PCDH15: variants seen among roughly 807,000 people sequenced by gnomAD.
The protein encoded by PCDH15 is protocadherin-15.
In PCDH15, 129 loss-of-function variants were observed where a neutral mutation model predicts 178.5. The ratio of observed to expected loss-of-function variants is 0.72; its 90% CI spans 0.63 to 0.84. The LOEUF (loss-of-function observed/expected upper bound fraction) is 0.84. Among genes scored for constraint, PCDH15 ranks in the 40% least tolerant of loss-of-function variants. PCDH15 has a pLI of 0.00. For missense variants in PCDH15, 2,230 were observed against 2,099.9 expected (o/e 1.06, Z -1.21); for synonymous variants, 800 against 732.0 (o/e 1.09, Z -1.50).
At chr10:55,457,980 T>A (rs936942241) in intron 2 of PCDH15, among the ~76,000 whole-genome samples, 9 of 152,062 alleles carry the variant, frequency 5.9e-5, no homozygotes, top group Non-Finnish European at 1.3e-4. Context: ...TTTCTAGTGA[T>A]CTAATCCTGA....
intron 2 of PCDH15, among the ~76,000 whole-genome samples, chr10:55,127,579 T>C (rs1837933919): frequency 6.6e-6 from 1 of 152,128 alleles, no homozygotes; most frequent in Admixed American, 6.5e-5. Context: ...AAGACTATTC[T>C]TTCTCATTTC....
chr10:54,712,789 A>G (rs1297464939), intron 1 of PCDH15, among the ~76,000 whole-genome samples: 2 of 152,040 alleles, frequency 1.3e-5, no homozygotes, highest in African/African-American at 4.8e-5. Context: ...GAAACACTAG[A>G]AAGAATTAAT....
At chr10:53,840,858 G>A (rs1045398036) in intron 28 of PCDH15, among the ~76,000 whole-genome samples, 1 of 152,172 alleles carries the variant, frequency 6.6e-6, no homozygotes, top group African/African-American at 2.4e-5. Flanking sequence ...GACTTCACAT[G>A]GTTGGTGTCA....
intron 2 of PCDH15, among the ~76,000 whole-genome samples, chr10:55,336,572 C>A (rs553074468): frequency 6.6e-6 from 1 of 152,136 alleles, no homozygotes; most frequent in African/African-American, 2.4e-5. Context: ...ACCTTTATTC[C>A]AGAGGGTCTG....
intron 4 of PCDH15, among the ~76,000 whole-genome samples, chr10:54,377,987 T>C (rs536940000): frequency 4.7e-4 from 71 of 152,138 alleles, no homozygotes; most frequent in African/African-American, 7.7e-4. Flanking sequence ...GGTGTGATCA[T>C]AGTTCACTGC....
intron 2 of PCDH15, among the ~76,000 whole-genome samples, chr10:55,543,772 G>C (rs1345561762): frequency 6.6e-6 from 1 of 151,358 alleles, no homozygotes. Context: ...TTTAAAAAGG[G>C]AATTATTAAT....
chr10:54,454,225 T>A (rs2076668840), intron 3 of PCDH15, among the ~76,000 whole-genome samples: 1 of 149,438 alleles, frequency 6.7e-6, no homozygotes, highest in African/African-American at 2.4e-5. Flanking sequence ...CTATAGGCTC[T>A]CAATAAGGCA....
chr10:53,821,908 T>C, intron 32 of PCDH15: 1 of 1,613,760 alleles, frequency 6.2e-7, no homozygotes, highest in Non-Finnish European at 8.5e-7. Flanking sequence ...CCCTCGACAA[T>C]ATTGTTCAAA....
intron 5 of PCDH15, among the ~76,000 whole-genome samples, chr10:54,356,848 G>T (rs1049835294): frequency 2.0e-5 from 3 of 152,004 alleles, no homozygotes; most frequent in Non-Finnish European, 2.9e-5. Context: ...ATGCAAGGCT[G>T]GTTCAATATA....
intron 2 of PCDH15, among the ~76,000 whole-genome samples, chr10:55,608,689 G>A (rs1034977923): frequency 1.3e-5 from 2 of 151,906 alleles, no homozygotes; most frequent in Non-Finnish European, 2.9e-5. Context: ...GGAAATGGGA[G>A]ATCAGTCTCA....
chr10:54,963,197 T>C (rs183453049), intron 2 of PCDH15, among the ~76,000 whole-genome samples: 254 of 152,324 alleles, frequency 1.7e-3, no homozygotes, highest in Middle Eastern at 3.4e-3. Flanking sequence ...AACTAGTATT[T>C]CTCATCCTTT....
chr10:55,420,820 A>C (rs1838602824), intron 2 of PCDH15, among the ~76,000 whole-genome samples: 1 of 151,778 alleles, frequency 6.6e-6, no homozygotes, highest in Admixed American at 6.6e-5. Context: ...ACTATATGTC[A>C]AGCATGGGGC....
At chr10:54,182,647 T>C (rs1257320498) in intron 13 of PCDH15, among the ~76,000 whole-genome samples, 1 of 152,122 alleles carries the variant, frequency 6.6e-6, no homozygotes, top group Non-Finnish European at 1.5e-5. Flanking sequence ...CCATTTACTA[T>C]CTAACTTAAA....
At chr10:53,941,191 A>G (rs777398509) in intron 23 of PCDH15, among the ~76,000 whole-genome samples, 4 of 152,110 alleles carry the variant, frequency 2.6e-5, no homozygotes, top group Non-Finnish European at 5.9e-5. Flanking sequence ...AAAGTCCATC[A>G]TTTACATGAG....
chr10:55,558,440 G>C (rs1842131823), intron 2 of PCDH15, among the ~76,000 whole-genome samples: 1 of 152,074 alleles, frequency 6.6e-6, no homozygotes, highest in African/African-American at 2.4e-5. Context: ...GAGTGCTTGA[G>C]CTGCTGAACA....
At chr10:54,455,200 C>T (rs987026389) in intron 3 of PCDH15, among the ~76,000 whole-genome samples, 5 of 152,010 alleles carry the variant, frequency 3.3e-5, no homozygotes, top group African/African-American at 7.2e-5. Context: ...TACCAAGTCT[C>T]GGGTATTTCT....
At chr10:54,478,627 T>C (rs894111316) in intron 3 of PCDH15, among the ~76,000 whole-genome samples, 3 of 152,080 alleles carry the variant, frequency 2.0e-5, no homozygotes, top group Non-Finnish European at 4.4e-5. Context: ...AAGTCATTAG[T>C]ATAAGTGGTG....
rs1391438836 is a variant in PCDH15 at position 54,001,850 on chromosome 10, A to G, written c.2752-6085T>C. Among the ~76,000 whole-genome samples the G allele has an allele frequency of 3.9e-5, 6 of 152,138 alleles. No homozygotes were observed. In the South Asian group the frequency reaches 1.0e-3, roughly 26 times the overall value. On this transcript the variant is annotated intron_variant, in intron 20 of 37. Coordinates refer to ENST00000644397, the MANE Select transcript of PCDH15 (RefSeq NM_001384140.1). ...AGAAACACACTTCACCTATAAAGAC[A>G]CACATAGACTGAAAATAAACACATG...
intron 1 of PCDH15, among the ~76,000 whole-genome samples, chr10:55,233,344 A>G (rs548824444): frequency 1.3e-4 from 20 of 152,134 alleles, no homozygotes; most frequent in Non-Finnish European, 2.5e-4. Flanking sequence ...GTTTAACTGC[A>G]AAGTTATTTC....
Sources: allele counts gnomAD v4.1 joint callset (sites outside exome capture counted in the v4.1 genomes callset), GRCh38; gene constraint gnomAD v4.1.1; transcripts MANE v1.5; gene names NCBI Gene and HGNC (gene_info 2026-07-23, HGNC 2026-07-21).